Variants in NTRK2 observed in about 807,000 individuals in gnomAD.
NTRK2 encodes the protein neurotrophic receptor tyrosine kinase 2.
NTRK2 carries 13 observed loss-of-function variants against 94.5 expected under a neutral mutation model. The ratio of observed to expected loss-of-function variants is 0.14; its 90% CI spans 0.09 to 0.22. NTRK2 has a LOEUF of 0.22. Among genes scored for constraint, NTRK2 ranks in the 10% least tolerant of loss-of-function variants. NTRK2 has a pLI of 1.00. For missense variants in NTRK2, 639 were observed against 1,071.2 expected (o/e 0.60, Z 5.63); for synonymous variants, 372 against 407.4 (o/e 0.91, Z 1.05).
At chr9:84,944,996 C>T (rs1231160866) in intron 15 of NTRK2, among the ~76,000 whole-genome samples, 1 of 152,186 alleles carries the variant, frequency 6.6e-6, no homozygotes, top group African/African-American at 2.4e-5. Flanking sequence ...GGATTTGAAC[C>T]TGCTTCTTCT....
At chr9:84,952,427 C>A (rs1823581294) in intron 16 of NTRK2, among the ~76,000 whole-genome samples, 1 of 152,188 alleles carries the variant, frequency 6.6e-6, no homozygotes, top group Non-Finnish European at 1.5e-5. Flanking sequence ...AGCCAGGGAG[C>A]TGATGGTGCT....
intron 14 of NTRK2, among the ~76,000 whole-genome samples, chr9:84,897,536 A>G (rs2076796203): frequency 1.3e-5 from 2 of 152,100 alleles, no homozygotes; most frequent in South Asian, 4.1e-4. Context: ...CCTGCTGCCT[A>G]TTTCAGCAGT....
chr9:85,015,184 A>G (rs2133557178), intron 17 of NTRK2, among the ~76,000 whole-genome samples: 1 of 152,324 alleles, frequency 6.6e-6, no homozygotes, highest in East Asian at 1.9e-4. Context: ...TATGTTATAC[A>G]TAATGAAGTC....
intron 12 of NTRK2, among the ~76,000 whole-genome samples, chr9:84,841,625 C>T (rs1183680482): frequency 6.6e-6 from 1 of 152,202 alleles, no homozygotes; most frequent in Admixed American, 6.5e-5. Context: ...ATCACTGTCT[C>T]CCGGAGGCCT....
chr9:84,692,167 A>G (rs1353272353), intron 2 of NTRK2, among the ~76,000 whole-genome samples: 1 of 152,152 alleles, frequency 6.6e-6, no homozygotes, highest in Non-Finnish European at 1.5e-5. Flanking sequence ...ACTGTGACCT[A>G]TGAAAGATCT....
At chr9:84,907,677 T>C (rs149485602) in intron 14 of NTRK2, among the ~76,000 whole-genome samples, 2,205 of 149,280 alleles carry the variant, frequency 0.015, 32 homozygotes, top group Middle Eastern at 0.076. Context: ...TTCGGAGGCA[T>C]TACTCTTCTT....
intron 17 of NTRK2, among the ~76,000 whole-genome samples, chr9:84,968,246 C>T (rs889136992): frequency 6.6e-6 from 1 of 152,212 alleles, no homozygotes; most frequent in Admixed American, 6.5e-5. Context: ...TCTTCCCACT[C>T]TGAAAGCTTC....
intron 17 of NTRK2, among the ~76,000 whole-genome samples, chr9:84,968,406 C>T (rs554972967): frequency 2.0e-5 from 3 of 152,256 alleles, no homozygotes; most frequent in East Asian, 3.9e-4. Flanking sequence ...AGTTCTAAAG[C>T]TGTGTTGGTT....
chr9:85,009,278 C>T (rs1392493775), intron 17 of NTRK2, among the ~76,000 whole-genome samples: 3 of 152,208 alleles, frequency 2.0e-5, no homozygotes, highest in African/African-American at 4.8e-5. Context: ...AAATAAATTC[C>T]AGACTTGCTA....
At chr9:84,882,697 A>AGTGTGTGTGTGTGTGTGTGTGT (rs71847053) in intron 14 of NTRK2, among the ~76,000 whole-genome samples, 11 of 149,706 alleles carry the variant, frequency 7.3e-5, no homozygotes, top group Non-Finnish European at 1.5e-4. Context: ...CTTTTGTTCT[A>AGTGTGTGTGTGTGTGTGTGTGT]GTGTGTGTGT....
chr9:84,856,876 T>C (rs574418351), intron 12 of NTRK2, among the ~76,000 whole-genome samples: 1 of 152,302 alleles, frequency 6.6e-6, no homozygotes, highest in Admixed American at 6.5e-5. Context: ...CATAGTAAAA[T>C]GATTTTTCTG....
chr9:84,711,730 A>G (rs2061429666), intron 6 of NTRK2, among the ~76,000 whole-genome samples: 1 of 152,158 alleles, frequency 6.6e-6, no homozygotes, highest in Admixed American at 6.5e-5. Flanking sequence ...TTTTTTATTT[A>G]AGAAAAATGG....
At chr9:84,756,333 G>A (rs1176115322) in intron 12 of NTRK2, among the ~76,000 whole-genome samples, 1 of 152,160 alleles carries the variant, frequency 6.6e-6, no homozygotes, top group African/African-American at 2.4e-5. Context: ...CTGGCTCCGT[G>A]TCTTCACTGA....
chr9:84,720,234 T>A (rs2061976183), intron 6 of NTRK2, among the ~76,000 whole-genome samples: 1 of 152,082 alleles, frequency 6.6e-6, no homozygotes, highest in Non-Finnish European at 1.5e-5. Flanking sequence ...AACACTGTAT[T>A]GGTTGAAAGT....
intron 17 of NTRK2, among the ~76,000 whole-genome samples, chr9:84,993,242 C>T (rs1829320435): frequency 6.6e-6 from 1 of 152,124 alleles, no homozygotes; most frequent in African/African-American, 2.4e-5. Flanking sequence ...CGTCAGTGAC[C>T]ACTGCAAAGA....
intron 10 of NTRK2, among the ~76,000 whole-genome samples, chr9:84,743,932 T>C (rs1040296162): frequency 2.6e-5 from 4 of 152,222 alleles, no homozygotes; most frequent in African/African-American, 9.6e-5. Context: ...TTTTCTGTTA[T>C]TTTTTATTCA....
At chr9:84,712,306 C>T (rs779738569) in intron 6 of NTRK2, among the ~76,000 whole-genome samples, 3 of 152,166 alleles carry the variant, frequency 2.0e-5, no homozygotes, top group African/African-American at 7.2e-5. Flanking sequence ...TGTTATTGCT[C>T]GGCCATTGTG....
At chr9:84,686,915 T>C (rs1340931928) in intron 2 of NTRK2, among the ~76,000 whole-genome samples, 5 of 151,368 alleles carry the variant, frequency 3.3e-5, no homozygotes, top group African/African-American at 1.2e-4. Flanking sequence ...AAGATAATTC[T>C]TTCTTAAGAT....
At chr9:84,744,114 TC>T (rs1190997542) in intron 10 of NTRK2, among the ~76,000 whole-genome samples, 2 of 152,188 alleles carry the variant, frequency 1.3e-5, no homozygotes, top group Admixed American at 6.5e-5. Flanking sequence ...ATTATAAACC[TC>T]ATTGTTTGCA....
Sources: gnomAD v4.1 joint callset for allele counts (sites outside exome capture counted in the v4.1 genomes callset) on GRCh38, gnomAD v4.1.1 for gene constraint, MANE v1.5 for transcripts, NCBI Gene and HGNC (gene_info 2026-07-23, HGNC 2026-07-21) for gene names.